Variants in SKIC2 observed in about 807,000 individuals in gnomAD.
SKIC2 encodes the protein superkiller complex protein 2.
chr6:31,961,327 G>T, the SKIC2 span: 19 of 1,592,584 alleles, frequency 1.2e-5, no homozygotes, highest in East Asian at 2.2e-5. Context: ...CACTGTTTCA[G>T]CCTCTCCCTG....
At chr6:31,967,639 A>G in the SKIC2 span, 16 of 1,527,970 alleles carry the variant, frequency 1.0e-5, no homozygotes, top group Non-Finnish European at 1.3e-5. This position sits in a 1 kb window ranked among gnomAD's most constrained non-coding sequence, Gnocchi z 4.9. Flanking sequence ...TTCCTGCCCA[A>G]GGGTGGGTAT....
the SKIC2 span, chr6:31,969,530 G>A: frequency 3.7e-6 from 6 of 1,613,298 alleles, no homozygotes; most frequent in African/African-American, 8.0e-5. The surrounding 1 kb of genome is among the most constrained non-coding windows in gnomAD (Gnocchi z 6.1). Context: ...CTCCGAGTTG[G>A]CAGGGCTCTC....
At chr6:31,969,287 A>G in the SKIC2 span, 1 of 1,614,128 alleles carries the variant, frequency 6.2e-7, no homozygotes, top group South Asian at 1.1e-5. This position sits in a 1 kb window ranked among gnomAD's most constrained non-coding sequence, Gnocchi z 6.1. Context: ...CAGGGAATAG[A>G]ACGTGTCCGG....
chr6:31,966,120 G>A, the SKIC2 span: 8 of 786,026 alleles, frequency 1.0e-5, no homozygotes, highest in Admixed American at 5.8e-5. The surrounding 1 kb of genome is among the most constrained non-coding windows in gnomAD (Gnocchi z 5.9). Flanking sequence ...TTTGGAGACA[G>A]GGTCTTGCTC....
chr6:31,960,670 G>T, the SKIC2 span: 1 of 1,588,512 alleles, frequency 6.3e-7, no homozygotes, highest in Non-Finnish European at 8.6e-7. Flanking sequence ...TCCCAGGGGG[G>T]ATGGATGAAC....
chr6:31,960,169 G>C, the SKIC2 span: 1 of 1,607,846 alleles, frequency 6.2e-7, no homozygotes, highest in Non-Finnish European at 8.5e-7. Flanking sequence ...CCTGAAGGAA[G>C]CTGGGACAGA....
chr6:31,964,343 G>A, the SKIC2 span: 2 of 1,610,622 alleles, frequency 1.2e-6, no homozygotes, highest in South Asian at 1.1e-5. The surrounding 1 kb of genome is among the most constrained non-coding windows in gnomAD (Gnocchi z 5.0). Flanking sequence ...CCTGGTCAAG[G>A]TGCATGTGGT....
the SKIC2 span, chr6:31,966,065 T>C: frequency 8.4e-7 from 1 of 1,184,010 alleles, no homozygotes; most frequent in Non-Finnish European, 1.2e-6. The surrounding 1 kb of genome is among the most constrained non-coding windows in gnomAD (Gnocchi z 5.9). Context: ...CCTTGCTGGA[T>C]TCTGTCTTCG....
chr6:31,960,711 A>G, the SKIC2 span: 2 of 1,575,408 alleles, frequency 1.3e-6, no homozygotes, highest in Non-Finnish European at 1.7e-6. Context: ...ACACGGGAGG[A>G]GGCTGAGGAG....
the SKIC2 span, chr6:31,968,249 G>C: frequency 6.9e-7 from 1 of 1,448,828 alleles, no homozygotes; most frequent in Non-Finnish European, 9.6e-7. The surrounding 1 kb of genome is among the most constrained non-coding windows in gnomAD (Gnocchi z 6.1). Flanking sequence ...GTTGTAGTAA[G>C]AGGGCTTCCA....
the SKIC2 span, chr6:31,969,750 A>G: frequency 1.3e-6 from 2 of 1,586,046 alleles, no homozygotes; most frequent in Non-Finnish European, 1.7e-6. This position sits in a 1 kb window ranked among gnomAD's most constrained non-coding sequence, Gnocchi z 6.1. Flanking sequence ...TAAAACAGCA[A>G]AGCACTGTTG....
At chr6:31,967,628 A>T in the SKIC2 span, 13 of 1,480,166 alleles carry the variant, frequency 8.8e-6, no homozygotes, top group Non-Finnish European at 1.1e-5. This position sits in a 1 kb window ranked among gnomAD's most constrained non-coding sequence, Gnocchi z 4.9. Context: ...TTGCTTCCTG[A>T]TTCCTGCCCA....
chr6:31,966,706 C>T, the SKIC2 span: 1 of 1,613,914 alleles, frequency 6.2e-7, no homozygotes, highest in Admixed American at 1.7e-5. This position sits in a 1 kb window ranked among gnomAD's most constrained non-coding sequence, Gnocchi z 5.9. Context: ...GACCTGACTC[C>T]AGGGGAAGCC....
chr6:31,960,361 A>G, the SKIC2 span: 1 of 1,605,230 alleles, frequency 6.2e-7, no homozygotes, highest in Non-Finnish European at 8.5e-7. Context: ...GGTCATGAGA[A>G]ACAGTTGGGG....
At chr6:31,963,721 G>GA in the SKIC2 span, 1 of 1,546,236 alleles carries the variant, frequency 6.5e-7, no homozygotes, top group Non-Finnish European at 8.7e-7. This position sits in a 1 kb window ranked among gnomAD's most constrained non-coding sequence, Gnocchi z 5.3. Context: ...CACATCAGGG[G>GA]GGCCCTGCAC....
At chr6:31,962,317 T>C in the SKIC2 span, 2 of 1,162,176 alleles carry the variant, frequency 1.7e-6, no homozygotes, top group Non-Finnish European at 2.6e-6. The surrounding 1 kb of genome is among the most constrained non-coding windows in gnomAD (Gnocchi z 5.0). Flanking sequence ...TAAGGGCAGT[T>C]TGGGTGAAGA....
At chr6:31,963,122 A>G in the SKIC2 span, 1 of 1,460,010 alleles carries the variant, frequency 6.8e-7, no homozygotes, top group Non-Finnish European at 9.6e-7. This position sits in a 1 kb window ranked among gnomAD's most constrained non-coding sequence, Gnocchi z 5.3. Context: ...TGCCTGGGTG[A>G]AGGGGGCTAC....
chr6:31,968,097 G>A, the SKIC2 span: 1 of 1,612,508 alleles, frequency 6.2e-7, no homozygotes, highest in Non-Finnish European at 8.5e-7. The surrounding 1 kb of genome is among the most constrained non-coding windows in gnomAD (Gnocchi z 6.1). Context: ...GAGATGCTAG[G>A]GAGGCCCTTC....
the SKIC2 span, chr6:31,966,744 C>T: frequency 1.2e-6 from 2 of 1,614,150 alleles, no homozygotes; most frequent in Non-Finnish European, 1.7e-6. The surrounding 1 kb of genome is among the most constrained non-coding windows in gnomAD (Gnocchi z 5.9). Context: ...AGTTCCGCCT[C>T]ACGTACACTA....
Sources: gnomAD v4.1 joint callset for allele counts on GRCh38, gnomAD v4.1.1 for gene constraint, Gnocchi (gnomAD v3.1) non-coding constraint, MANE v1.5 for transcripts, NCBI Gene and HGNC (gene_info 2026-07-23, HGNC 2026-07-21) for gene names.